Variants in RNASEL observed in about 807,000 individuals in gnomAD.
RNASEL encodes the protein 2-5A-dependent ribonuclease.
RNASEL carries 36 observed loss-of-function variants against 50.9 expected under a neutral mutation model. That is an observed-to-expected ratio of 0.71 (90% confidence interval 0.54 to 0.93). The LOEUF is 0.93. Among genes scored for constraint, RNASEL ranks in the 40% least tolerant of loss-of-function variants. The pLI is 0.00. For missense variants in RNASEL, 860 were observed against 894.5 expected, an observed-to-expected ratio of 0.96 and a Z score of 0.49; for synonymous variants, 335 against 335.6, an observed-to-expected ratio of 1.00 and a Z score of 0.02.
rs1199484348 is a variant in RNASEL at position 182,585,720 on chromosome 1, A to G, written c.1087T>C (p.Phe363Leu). Residue 363 changes from phenylalanine to leucine, a missense_variant, in exon 2 of 7, where the codon TTC becomes CTC. Coordinates refer to ENST00000367559, the MANE Select transcript of RNASEL (RefSeq NM_021133.4). ...IYRPMIGKLK[F>L]FIDEKYKIAD... Reference sequence around the variant, plus strand: ...ATTTTGTATTTTTCATCAATAAAGAACTTGAGTTTGCCAATCATAGGGCGG... The same window carrying G: ...ATTTTGTATTTTTCATCAATAAAGAGCTTGAGTTTGCCAATCATAGGGCGG... The G allele has an allele frequency of 6.2e-7, 1 of 1,613,942 alleles. No homozygotes were observed. Among genetic ancestry groups the G allele is most frequent in the Non-Finnish European group, 8.5e-7 (1 of 1,180,032 alleles).
chr1:182,585,235 T>C, intron 2 of RNASEL, 92 bp downstream of exon 2: 1 of 1,237,552 alleles, frequency 8.1e-7, no homozygotes, highest in Non-Finnish European at 1.2e-6. Flanking sequence ...CCACATTTAC[T>C]CTAGGCCTTT....
At chr1:182,582,023 C>G (rs200856862) in intron 4 of RNASEL, 30 bp downstream of exon 4, 13 of 1,595,024 alleles carry the variant, frequency 8.2e-6, no homozygotes, top group Non-Finnish European at 1.1e-5. Context: ...ATCCTGGAGG[C>G]CTGTGGCATC....
At chr1:182,582,670 C>T (rs1028546493) in intron 3 of RNASEL, among the ~76,000 whole-genome samples, 5 of 152,138 alleles carry the variant, frequency 3.3e-5, no homozygotes, top group Middle Eastern at 3.2e-3. Flanking sequence ...CAGTCCAGGC[C>T]AGGAGAGGCA....
At chr1:182,575,603 G>T in intron 6 of RNASEL, 25 bp from the exon 7 acceptor site, 1 of 1,613,376 alleles carries the variant, frequency 6.2e-7, no homozygotes, top group Admixed American at 1.7e-5. Flanking sequence ...AAATTGTTCA[G>T]CATGCTTGCC....
chr1:182,587,825 A>G (rs1661630005), intron 1 of RNASEL, among the ~76,000 whole-genome samples: 2 of 152,228 alleles, frequency 1.3e-5, no homozygotes, highest in Admixed American at 6.5e-5. Flanking sequence ...TACAGACAAT[A>G]TCTGACTTAT....
At chr1:182,576,495 T>TTCTA in intron 5 of RNASEL, 106 bp from the exon 6 acceptor site, 1 of 862,294 alleles carries the variant, frequency 1.2e-6, no homozygotes. Flanking sequence ...TATTCATATA[T>TTCTA]TCTATAATTA....
Position 182,586,713 on chromosome 1 carries a change from CT to C in RNASEL, c.93del (p.Ala32LeufsTer38), listed in dbSNP as rs1290157486. On this transcript the variant is annotated frameshift_variant, in exon 2 of 7. Transcript: ENST00000367559. LOFTEE classifies it high-confidence loss of function. ...AGGTCAACATCTTCGTTTTGAACAG[CT>C]TTAATCAGCAAGTGATTGTCTTCCA... ...AAVEDNHLLI[K>X]AVQNEDVDLV... 4 of 1,614,256 alleles carry C rather than the reference CT, an allele frequency of 2.5e-6. No homozygotes were observed. Among genetic ancestry groups the C allele is most frequent in the Admixed American group, 1.7e-5 (1 of 60,030 alleles).
chr1:182,582,723 C>G (rs1661519455), intron 3 of RNASEL, among the ~76,000 whole-genome samples: 1 of 152,074 alleles, frequency 6.6e-6, no homozygotes, highest in South Asian at 2.1e-4. Context: ...GGAGGAAAGG[C>G]CAAGAAGAAG....
chr1:182,583,860 T>C (rs1661543552), intron 3 of RNASEL, among the ~76,000 whole-genome samples: 1 of 152,176 alleles, frequency 6.6e-6, no homozygotes, highest in Admixed American at 6.5e-5. Flanking sequence ...TTTGAGGTTT[T>C]GGTACTCAGA....
Position 182,576,275 on chromosome 1 carries a change from C to T in RNASEL, c.2020G>A (p.Asp674Asn). 6.2e-7 allele frequency: 1 copy of T among 1,611,688 alleles called. No homozygotes were observed. Among genetic ancestry groups the T allele is most frequent in the African/African-American group, 1.3e-5 (1 of 74,988 alleles). ...KFIRNLGEHI[D>N]EEKHKKMKLK... Reference sequence around the variant, plus strand: ...ACTTACTTTTTATGCTTTTCTTCATCAATGTGTTCTCCCAAATTCCGGATG... The same window carrying T: ...ACTTACTTTTTATGCTTTTCTTCATTAATGTGTTCTCCCAAATTCCGGATG... The change falls in exon 6 of 7, where the codon GAT (aspartate) becomes AAT (asparagine). Residue 674 changes from aspartate (D) to asparagine (N), a missense_variant. Physicochemically the swap from Asp to Asn is conservative, Grantham distance 23. Coordinates refer to ENST00000367559, the MANE Select transcript of RNASEL (RefSeq NM_021133.4).
At position 182,585,714 on chromosome 1, in the gene RNASEL, T is replaced by A; in HGVS notation, c.1093A>T (p.Ile365Phe). 1.2e-6 allele frequency: 2 copies of A among 1,614,094 alleles called. No individual in the cohort carries two copies. Among genetic ancestry groups the A allele is most frequent in the Non-Finnish European group, 8.5e-7 (1 of 1,180,036 alleles). The change falls in exon 2 of 7, where the codon ATT becomes TTT. Residue 365 changes from isoleucine to phenylalanine, a missense_variant. Transcript: ENST00000367559. ...TCAGCAATTTTGTATTTTTCATCAA[T>A]AAAGAACTTGAGTTTGCCAATCATA... ...RPMIGKLKFF[I>F]DEKYKIADTS...
At position 182,585,661 on chromosome 1, in the gene RNASEL, C is replaced by A; in HGVS notation, c.1146G>T (p.Gly382=). ...ADTSEGGIYL[G]FYEKQEVAVK... ...CAGCTACTTCTTGCTTCTCATAGAA[C>A]CCCAGGTAGATGCCTCCTTCTGAAG... Residue 382 remains glycine, a synonymous_variant, in exon 2 of 7, where the codon GGG becomes GGT. Coordinates refer to ENST00000367559, the MANE Select transcript of RNASEL (RefSeq NM_021133.4). 1 of 1,614,140 alleles carries A rather than the reference C, an allele frequency of 6.2e-7. No homozygotes were observed. The highest frequency in any genetic ancestry group is 8.5e-7 in the Non-Finnish European group (1 of 1,180,014).
chr1:182,583,771 T>C (rs1385117452), intron 3 of RNASEL, among the ~76,000 whole-genome samples: 1 of 152,188 alleles, frequency 6.6e-6, no homozygotes, highest in African/African-American at 2.4e-5. Context: ...TATGGAGTTT[T>C]GGACTTACAC....
At chr1:182,584,255 T>C (rs1397641979) in intron 2 of RNASEL, 89 bp from the exon 3 acceptor site, 1 of 891,336 alleles carries the variant, frequency 1.1e-6, no homozygotes, top group African/African-American at 1.6e-5. Flanking sequence ...TAACATGCTA[T>C]AAAAATCATC....
At chr1:182,579,119 G>T in intron 5 of RNASEL, 1 of 388,670 alleles carries the variant, frequency 2.6e-6, no homozygotes, top group Non-Finnish European at 3.5e-6. Flanking sequence ...TTACTTAATG[G>T]GTACAATGTG....
intron 2 of RNASEL, among the ~76,000 whole-genome samples, chr1:182,584,542 C>G (rs1661556459): frequency 6.6e-6 from 1 of 152,214 alleles, no homozygotes; most frequent in Non-Finnish European, 1.5e-5. Context: ...AAGGTATGTA[C>G]TCTGCTTAGA....
At chr1:182,575,674 T>C in intron 6 of RNASEL, 96 bp from the exon 7 acceptor site, 5 of 1,492,840 alleles carry the variant, frequency 3.3e-6, no homozygotes, top group South Asian at 1.2e-5. Flanking sequence ...CTCGCTTGAT[T>C]TCTATTGCAG....
intron 2 of RNASEL, among the ~76,000 whole-genome samples, chr1:182,584,645 C>T (rs1319749262): frequency 2.0e-5 from 3 of 152,132 alleles, no homozygotes; most frequent in Non-Finnish European, 2.9e-5. Context: ...AACAAACTTA[C>T]GAAGGAGGCA....
chr1:182,586,758 T>TGGA lies in RNASEL; in HGVS notation c.46_48dup (p.Ser17dup). 6.2e-7 allele frequency: 1 copy of TGGA among 1,614,284 alleles called. No homozygotes were observed. The highest frequency in any genetic ancestry group is 8.5e-7 in the Non-Finnish European group (1 of 1,180,048). ...TCTTCCACTGCAGCCCTTCTACCGC[T>TGGA]GGAGGACGTGGGTCCCTCCTGGGGG... On this transcript the variant is annotated inframe_insertion, in exon 2 of 7. Coordinates refer to ENST00000367559, the MANE Select transcript of RNASEL (RefSeq NM_021133.4).
Sources: allele counts gnomAD v4.1 joint callset (sites outside exome capture counted in the v4.1 genomes callset), GRCh38; gene constraint gnomAD v4.1.1; transcripts MANE v1.5; gene names NCBI Gene and HGNC (gene_info 2026-07-23, HGNC 2026-07-21).